Variants in TPST1 observed in about 807,000 individuals in gnomAD.
TPST1 encodes the protein tyrosylprotein sulfotransferase 1.
A neutral mutation model predicts 34.8 loss-of-function variants in TPST1; 20 were observed. The ratio of observed to expected loss-of-function variants is 0.57; its 90% CI spans 0.40 to 0.84. The LOEUF (loss-of-function observed/expected upper bound fraction) is 0.84, where lower values mean the gene tolerates loss of function less well. Ranked by LOEUF, TPST1 falls within the 40% of genes least tolerant of loss-of-function variation. TPST1 has a pLI of 0.00. For missense variants in TPST1, 353 were observed against 455.5 expected (o/e 0.78, Z 2.05); for synonymous variants, 152 against 159.4 (o/e 0.95, Z 0.35).
chr7:66,351,494 A>C (rs140091306), intron 3 of TPST1, among the ~76,000 whole-genome samples: 1,903 of 152,300 alleles, frequency 0.012, 16 homozygotes, highest in Non-Finnish European at 0.019. Context: ...TCATTAACTT[A>C]GCTAATGTTT....
intron 1 of TPST1, among the ~76,000 whole-genome samples, chr7:66,213,755 A>G (rs1789327533): frequency 6.6e-6 from 1 of 152,056 alleles, no homozygotes; most frequent in South Asian, 2.1e-4. Flanking sequence ...AAAAAAAAAA[A>G]AAAAGAATAA....
chr7:66,241,104 A>T lies in TPST1; in HGVS notation c.679A>T (p.Met227Leu), dbSNP rs371882765. 14 of 1,614,088 alleles carry T rather than the reference A, an allele frequency of 8.7e-6. No homozygotes were observed. Among genetic ancestry groups the T allele is most frequent in the Admixed American group, 1.7e-5 (1 of 60,000 alleles). Residue 227 changes from methionine (M) to leucine (L), a missense_variant, in exon 2 of 6, where the codon ATG (methionine) becomes TTG (leucine). Physicochemically the swap from Met to Leu is conservative, Grantham distance 15. Transcript: ENST00000304842. ...TATAGAGACCATGTATAACCAGTGT[A>T]TGGAGGTTGGTTATAAAAAGTGCAT... ...RAIETMYNQC[M>L]EVGYKKCMLV...
chr7:66,269,524 A>G (rs1790656207), intron 2 of TPST1, among the ~76,000 whole-genome samples: 1 of 152,224 alleles, frequency 6.6e-6, no homozygotes, highest in Admixed American at 6.5e-5. Flanking sequence ...TCAGTGCTGA[A>G]AAGGCTCTGG....
At chr7:66,232,193 TAAA>T (rs369843074) in intron 1 of TPST1, among the ~76,000 whole-genome samples, 2 of 139,130 alleles carry the variant, frequency 1.4e-5, no homozygotes, top group Non-Finnish European at 1.5e-5. Flanking sequence ...TGTTTCTTAT[TAAA>T]AAAAATTTTT....
chr7:66,220,689 G>A (rs1239154423), intron 1 of TPST1, among the ~76,000 whole-genome samples: 3 of 142,344 alleles, frequency 2.1e-5, no homozygotes, highest in Admixed American at 1.4e-4. Context: ...GGGTGGGTGG[G>A]TGGTGAAACA....
At chr7:66,232,158 A>G (rs1287833899) in intron 1 of TPST1, among the ~76,000 whole-genome samples, 1 of 150,894 alleles carries the variant, frequency 6.6e-6, no homozygotes, top group Middle Eastern at 3.2e-3. Flanking sequence ...GCTTGATCAC[A>G]TGGTAACTAT....
intron 3 of TPST1, among the ~76,000 whole-genome samples, chr7:66,328,595 AGTG>A (rs1229301512): frequency 6.6e-6 from 1 of 151,778 alleles, no homozygotes; most frequent in Non-Finnish European, 1.5e-5. Flanking sequence ...CCCAGGCTGG[AGTG>A]CAGTGGCATG....
At chr7:66,296,187 A>G (rs1473440127) in intron 3 of TPST1, among the ~76,000 whole-genome samples, 1 of 150,948 alleles carries the variant, frequency 6.6e-6, no homozygotes, top group Non-Finnish European at 1.5e-5. Flanking sequence ...TATTTCATAC[A>G]CACTTGTGGT....
intron 2 of TPST1, among the ~76,000 whole-genome samples, chr7:66,258,691 A>G (rs1255684480): frequency 6.6e-6 from 1 of 152,184 alleles, no homozygotes; most frequent in African/African-American, 2.4e-5. Context: ...GCGTTTCTGT[A>G]TGGCTGGTGC....
chr7:66,231,330 GCTGC>G (rs1789786006), intron 1 of TPST1, among the ~76,000 whole-genome samples: 1 of 152,262 alleles, frequency 6.6e-6, no homozygotes, highest in East Asian at 1.9e-4. Context: ...TGCATGTGGA[GCTGC>G]CTGCCAGTCC....
chr7:66,244,733 A>G (rs1208105833), intron 2 of TPST1, among the ~76,000 whole-genome samples: 1 of 152,254 alleles, frequency 6.6e-6, no homozygotes, highest in African/African-American at 2.4e-5. Flanking sequence ...CGTGGAACAA[A>G]TAAAAGTCAA....
At chr7:66,283,896 G>A (rs1425301495) in intron 2 of TPST1, among the ~76,000 whole-genome samples, 1 of 152,214 alleles carries the variant, frequency 6.6e-6, no homozygotes, top group African/African-American at 2.4e-5. Context: ...CCATGGCCTA[G>A]TCAGTCATCT....
At chr7:66,270,160 AG>A (rs1790677558) in intron 2 of TPST1, among the ~76,000 whole-genome samples, 1 of 152,146 alleles carries the variant, frequency 6.6e-6, no homozygotes, top group Admixed American at 6.5e-5. Context: ...GAAGAGTCAC[AG>A]TAAAGTAGCT....
At chr7:66,216,693 C>G (rs751537217) in intron 1 of TPST1, among the ~76,000 whole-genome samples, 1 of 152,216 alleles carries the variant, frequency 6.6e-6, no homozygotes, top group Non-Finnish European at 1.5e-5. Flanking sequence ...TGGTCTCAAT[C>G]TCCTGACCTC....
chr7:66,254,593 AG>A (rs1434143660), intron 2 of TPST1, among the ~76,000 whole-genome samples: 3 of 151,964 alleles, frequency 2.0e-5, no homozygotes, highest in African/African-American at 4.8e-5. Context: ...TAGTAGAGAC[AG>A]GGTTTTGCCA....
Position 66,276,609 on chromosome 7 carries a change from T to C in TPST1, c.846-9902T>C, listed in dbSNP as rs539821334. On this transcript the variant is annotated intron_variant, in intron 2 of 5. Transcript: ENST00000304842. Reference sequence around the variant, plus strand: ...CTTTGAAGGCATTCTATTTCACTTATAATTTCTTTTAAGATTCTCTTGTAT... The same window carrying C: ...CTTTGAAGGCATTCTATTTCACTTACAATTTCTTTTAAGATTCTCTTGTAT... Among the ~76,000 whole-genome samples, 264 of 152,024 alleles carry C rather than the reference T, an allele frequency of 1.7e-3. 1 individual carries two copies. Among genetic ancestry groups the C allele is most frequent in the African/African-American group, 5.8e-3 (242 of 41,488 alleles).
At chr7:66,262,832 T>C (rs576718186) in intron 2 of TPST1, among the ~76,000 whole-genome samples, 1 of 152,320 alleles carries the variant, frequency 6.6e-6, no homozygotes, top group East Asian at 1.9e-4. Context: ...GTGCGGTGGC[T>C]CATGCCTGTA....
intron 2 of TPST1, among the ~76,000 whole-genome samples, chr7:66,267,978 G>A (rs917978210): frequency 6.7e-6 from 1 of 150,098 alleles, no homozygotes; most frequent in African/African-American, 2.5e-5. Context: ...TTTTTGACAG[G>A]GTTTCCATCT....
intron 2 of TPST1, among the ~76,000 whole-genome samples, chr7:66,283,270 A>G (rs1343627516): frequency 1.3e-5 from 2 of 152,118 alleles, no homozygotes; most frequent in African/African-American, 2.4e-5. Context: ...CAAAAAACAA[A>G]AACAAAAAAA....
Sources: gnomAD v4.1 joint callset for allele counts (sites outside exome capture counted in the v4.1 genomes callset) on GRCh38, gnomAD v4.1.1 for gene constraint, MANE v1.5 for transcripts, NCBI Gene and HGNC (gene_info 2026-07-23, HGNC 2026-07-21) for gene names.